Variants in DCAF16 observed in about 807,000 individuals in gnomAD.
DCAF16 encodes the protein DDB1- and CUL4-associated factor 16.
DCAF16 carries 10 observed loss-of-function variants against 17.3 expected under a neutral mutation model. That is an observed-to-expected ratio of 0.58 (90% CI 0.36 to 0.98). The LOEUF (loss-of-function observed/expected upper bound fraction) is 0.98, where lower values mean the gene tolerates loss of function less well. DCAF16 is among the 50% of genes least tolerant of loss of function. The pLI is 0.01. For missense variants in DCAF16, 249 were observed against 247.6 expected (o/e 1.01, Z -0.04); for synonymous variants, 111 against 92.8 (o/e 1.20, Z -1.12).
At chr4:17,798,954 T>G (rs1719564834), downstream of DCAF16, among the ~76,000 whole-genome samples, 1 of 152,158 alleles carries the variant, frequency 6.6e-6, no homozygotes, top group African/African-American at 2.4e-5. Context: ...ACTCCCTCAG[T>G]CCAATGGGTA....
At chr4:17,800,276 T>C (rs778742732), downstream of DCAF16, among the ~76,000 whole-genome samples, 1 of 152,208 alleles carries the variant, frequency 6.6e-6, no homozygotes, top group African/African-American at 2.4e-5. Flanking sequence ...AAATAATCTT[T>C]TTATCTTAAT....
Position 17,803,966 on chromosome 4 carries a change from A to G in DCAF16, c.176T>C (p.Leu59Pro). The change falls in exon 3 of 3, where the codon CTT becomes CCT. Residue 59 changes from leucine to proline, a missense_variant. Physicochemically the swap from Leu to Pro is moderately conservative, Grantham distance 98. Transcript: ENST00000382247. Reference protein sequence around the residue: ...LESLAWQVKCLLKYSTTWKPL... With the variant: ...LESLAWQVKCPLKYSTTWKPL... ...TTTCCAAGTTGTGGAATATTTTAAA[A>G]GGCACTTAACCTGCCAGGCAAGACT... is the stretch of plus-strand genomic sequence containing the variant. 6.2e-7 allele frequency: 1 copy of G among 1,614,202 alleles called. No homozygotes were observed. The highest frequency in any genetic ancestry group is 8.5e-7 in the Non-Finnish European group (1 of 1,180,042).
chr4:17,809,904 G>A, intron 1 of DCAF16, among the ~76,000 whole-genome samples: 1 of 152,242 alleles, frequency 6.6e-6, no homozygotes, highest in East Asian at 1.9e-4. Context: ...ATGCAGATAA[G>A]ATCTCCCAGG....
rs1174244892 is a variant in DCAF16, at chr4:17,801,680, TAAACA to T, written c.*1806_*1810del. 1 of 152,144 alleles carries T rather than the reference TAAACA, an allele frequency of 6.6e-6. No individual in the cohort carries two copies. Among genetic ancestry groups the T allele is most frequent in the African/African-American group, 2.4e-5 (1 of 41,444 alleles). 9.4% of individuals were successfully genotyped at this position (152,144 alleles called of 1,614,324 possible). A position where few individuals can be genotyped will look rare whatever the true frequency, so the allele number is the denominator to read the frequency against. On this transcript the variant is annotated 3_prime_UTR_variant, in exon 3 of 3. Transcript: ENST00000382247. ...TCTACGTTTTGACTGACTATTTAAA[TAAACA>T]AAACAAGACTCATTTACAAGGGCAT...
chr4:17,803,584 A>T lies in DCAF16; in HGVS notation c.558T>A (p.Val186=). 1 of 1,614,178 alleles carries T rather than the reference A, an allele frequency of 6.2e-7. No homozygotes were observed. Among genetic ancestry groups the T allele is most frequent in the East Asian group, 2.2e-5 (1 of 44,876 alleles). ...GCCCGWLTKT[V]KETTRTEPIN... is the part of the protein sequence containing the mutation. ...TGGGTTCAGTACGAGTTGTTTCCTTAACTGTTTTAGTCAGCCAGCCACAGC... is the reference window on the plus strand; with the variant it reads ...TGGGTTCAGTACGAGTTGTTTCCTTTACTGTTTTAGTCAGCCAGCCACAGC... Residue 186 remains valine, a synonymous_variant, in exon 3 of 3, where the codon GTT becomes GTA. Transcript: ENST00000382247.
intron 1 of DCAF16, among the ~76,000 whole-genome samples, chr4:17,806,638 T>C (rs962399657): frequency 3.9e-4 from 60 of 152,350 alleles, no homozygotes; most frequent in African/African-American, 1.4e-3. Context: ...TTCTCCCTAT[T>C]AATTTATACA....
rs879859064 is a variant in DCAF16 at position 17,801,744 on chromosome 4, TA to T, written c.*1746del. ...CCTTGTTTGGCCAGAAGAAAATCTA[TA>T]GCTAAATCTACTTAGAAAAACAATG... On this transcript the variant is annotated 3_prime_UTR_variant, in exon 3 of 3. Coordinates refer to ENST00000382247, the MANE Select transcript of DCAF16 (RefSeq NM_017741.4). The T allele has an allele frequency of 6.6e-6, 1 of 152,194 alleles. No homozygotes were observed. Among genetic ancestry groups the T allele is most frequent in the African/African-American group, 2.4e-5 (1 of 41,448 alleles). 9.4% of individuals were successfully genotyped at this position (152,194 alleles called of 1,614,324 possible). A position where few individuals can be genotyped will look rare whatever the true frequency, so the allele number is the denominator to read the frequency against.
At chr4:17,795,039 C>T in the DCAF16 span, among the ~76,000 whole-genome samples, 1 of 152,174 alleles carries the variant, frequency 6.6e-6, no homozygotes, top group South Asian at 2.1e-4. Flanking sequence ...AAAGCACATC[C>T]TCCAAGTGGC....
At chr4:17,795,795 G>GTA (rs1719401322), downstream of DCAF16, among the ~76,000 whole-genome samples, 7 of 152,162 alleles carry the variant, frequency 4.6e-5, no homozygotes, top group South Asian at 1.4e-3. Context: ...GGCTATCTGT[G>GTA]TACAGTGATT....
chr4:17,807,102 T>C (rs1468893796), intron 1 of DCAF16, among the ~76,000 whole-genome samples: 1 of 152,080 alleles, frequency 6.6e-6, no homozygotes, highest in Non-Finnish European at 1.5e-5. Flanking sequence ...TCATGATGGA[T>C]TAAAGACCTA....
At chr4:17,806,321 C>T (rs1180540747) in intron 1 of DCAF16, among the ~76,000 whole-genome samples, 20 of 152,236 alleles carry the variant, frequency 1.3e-4, no homozygotes, top group Middle Eastern at 6.8e-3. Flanking sequence ...CTTTTATTGT[C>T]CCCATCTTAC....
At chr4:17,796,585 T>A (rs1176923969), downstream of DCAF16, among the ~76,000 whole-genome samples, 1 of 152,124 alleles carries the variant, frequency 6.6e-6, no homozygotes, top group East Asian at 1.9e-4. Flanking sequence ...TGCGCACCTG[T>A]AGTCCCAGCT....
chr4:17,803,506 T>C lies in DCAF16; in HGVS notation c.636A>G (p.Leu212=). 3 of 1,613,790 alleles carry C rather than the reference T, an allele frequency of 1.9e-6. No homozygotes were observed. The highest frequency in any genetic ancestry group is 2.5e-6 in the Non-Finnish European group (3 of 1,179,696). ...TGGTAGATCTTTACAGTGATGCAGT[T>C]AGGAGTTTGTTAACTGCCTTTTGGA... The part of the protein sequence containing the change: ...TDFQKAVNKL[L]TASL The change falls in exon 3 of 3, where the codon CTA becomes CTG. Residue 212 remains leucine, a synonymous_variant. Coordinates refer to ENST00000382247, the MANE Select transcript of DCAF16 (RefSeq NM_017741.4).
At chr4:17,798,676 C>G (rs536175386), downstream of DCAF16, among the ~76,000 whole-genome samples, 279 of 152,244 alleles carry the variant, frequency 1.8e-3, 4 homozygotes, top group African/African-American at 6.3e-3. Flanking sequence ...CTGGTCATAG[C>G]TCTCACAGAA....
downstream of DCAF16, among the ~76,000 whole-genome samples, chr4:17,797,498 G>C (rs927237550): frequency 2.0e-5 from 3 of 152,134 alleles, no homozygotes; most frequent in African/African-American, 7.2e-5. Flanking sequence ...TCAAGCCATG[G>C]GAGTCTACTT....
chr4:17,800,541 A>T (rs1298901668), downstream of DCAF16: 1 of 152,550 alleles, frequency 6.6e-6, no homozygotes, highest in Non-Finnish European at 1.5e-5. Flanking sequence ...CAGACATACT[A>T]TATAGATTCA....
the DCAF16 span, among the ~76,000 whole-genome samples, chr4:17,793,779 T>C: frequency 6.6e-6 from 1 of 152,178 alleles, no homozygotes; most frequent in Non-Finnish European, 1.5e-5. Context: ...TTGATACGAA[T>C]GTATACACAT....
intron 1 of DCAF16, among the ~76,000 whole-genome samples, chr4:17,805,953 T>C (rs2109024774): frequency 6.6e-6 from 1 of 152,250 alleles, no homozygotes; most frequent in Non-Finnish European, 1.5e-5. Flanking sequence ...GGTGACAGAA[T>C]GAGACTCTTC....
At chr4:17,797,702 G>A (rs7685658), downstream of DCAF16, among the ~76,000 whole-genome samples, 20,341 of 152,212 alleles carry the variant, frequency 0.13, 1,516 homozygotes, top group South Asian at 0.26. Flanking sequence ...GTTACTCAGG[G>A]TGCAACCAGA....
Sources: gnomAD v4.1 joint callset for allele counts (sites outside exome capture counted in the v4.1 genomes callset) on GRCh38, gnomAD v4.1.1 for gene constraint, MANE v1.5 for transcripts, NCBI Gene and HGNC (gene_info 2026-07-23, HGNC 2026-07-21) for gene names.